TNRC6B: variants seen among roughly 807,000 people sequenced by gnomAD.
TNRC6B encodes trinucleotide repeat-containing gene 6B protein.
In TNRC6B, 52 loss-of-function variants were observed where a neutral mutation model predicts 203.6. That is an observed-to-expected ratio of 0.26 (90% CI 0.20 to 0.32). TNRC6B has a LOEUF of 0.32. TNRC6B is among the 10% of genes least tolerant of loss of function. The probability of loss-of-function intolerance (pLI) is 1.00; values close to 1 mark genes in which losing one functional copy is unlikely to be tolerated. For synonymous variants in TNRC6B, 838 were observed against 845.7 expected (o/e 0.99, Z 0.16); for missense variants, 1,923 against 2,286.2 (o/e 0.84, Z 3.24).
chr22:40,236,731 A>T (rs1452717983), intron 1 of TNRC6B, among the ~76,000 whole-genome samples: 2 of 152,158 alleles, frequency 1.3e-5, no homozygotes, highest in Admixed American at 1.3e-4. Flanking sequence ...TCATCCTTTC[A>T]TTCCCATCAG....
chr22:40,266,037 G>C lies in TNRC6B; in HGVS notation c.1807G>C (p.Val603Leu). 3 of 1,613,734 alleles carry C rather than the reference G, an allele frequency of 1.9e-6. No individual in the cohort carries two copies. The highest frequency in any genetic ancestry group is 2.5e-6 in the Non-Finnish European group (3 of 1,179,912). ...GCCCACACATCCTGATTGTCAGGCT[G>C]TCTTGCAGACTCTTTTGAGCCGAAC... is the stretch of plus-strand genomic sequence containing the variant. ...YRPTHPDCQAVLQTLLSRTDL... is the reference protein window; with the variant it reads ...YRPTHPDCQALLQTLLSRTDL... Residue 603 changes from valine to leucine, a missense_variant, in exon 5 of 23, where the codon GTC (valine) becomes CTC (leucine). Transcript: ENST00000454349.
chr22:40,315,958 T>G lies in TNRC6B; in HGVS notation c.4920T>G (p.Asp1640Glu). 2 of 1,613,934 alleles carry G rather than the reference T, an allele frequency of 1.2e-6. No individual in the cohort carries two copies. The highest frequency in any genetic ancestry group is 1.7e-6 in the Non-Finnish European group (2 of 1,179,846). Residue 1640 changes from aspartate (D) to glutamate (E), a missense_variant, in exon 21 of 23, where the codon GAT (aspartate) becomes GAG (glutamate). Transcript: ENST00000454349. Reference protein sequence around the residue: ...SRLASASTWSDGGSVRPSYWL... With the variant: ...SRLASASTWSEGGSVRPSYWL... ...TGCTCATAGCCTCTACCTGGAGTGA[T>G]GGTGGCTCAGTTCGTCCTAGTTACT...
intron 1 of TNRC6B, among the ~76,000 whole-genome samples, chr22:40,221,370 C>G (rs1478478388): frequency 6.6e-6 from 1 of 152,092 alleles, no homozygotes; most frequent in Non-Finnish European, 1.5e-5. Flanking sequence ...AATGCAGATA[C>G]GTTTAGTTGT....
chr22:40,187,640 GT>G (rs1569013123), intron 1 of TNRC6B, among the ~76,000 whole-genome samples: 1 of 152,102 alleles, frequency 6.6e-6, no homozygotes, highest in African/African-American at 2.4e-5. Context: ...GTGTCCCAGC[GT>G]CCCTGTGTGG....
chr22:40,183,052 G>T (rs2069155312), intron 1 of TNRC6B, among the ~76,000 whole-genome samples: 2 of 112,996 alleles, frequency 1.8e-5, no homozygotes, highest in African/African-American at 9.1e-5. Flanking sequence ...CCTCACTGTT[G>T]TATCCCCAAC....
chr22:40,129,534 T>C (rs756250660), intron 3 of TNRC6B, among the ~76,000 whole-genome samples: 2 of 152,106 alleles, frequency 1.3e-5, no homozygotes, highest in Non-Finnish European at 2.9e-5. Context: ...TTTTGCATCA[T>C]AGAAATCAAA....
In TNRC6B at chr22:40,266,242, G is replaced by A. The variant is rs1356374951; in HGVS notation, c.2012G>A (p.Ser671Asn). ...KNSGGWGDAP[S>N]QSNQMKSGWG... is the part of the protein sequence containing the mutation. ...TCAGGGGGCTGGGGAGATGCACCCA[G>A]CCAAAGCAATCAAATGAAGTCTGGA... Residue 671 changes from serine (S) to asparagine (N), a missense_variant, in exon 5 of 23, where the codon AGC (serine) becomes AAC (asparagine). By Grantham distance (46) the Ser-to-Asn change is conservative. This residue lies in a region of TNRC6B where 599 missense variants were observed against 656.5 expected (regional missense o/e 0.91). Transcript: ENST00000454349. The A allele has an allele frequency of 6.2e-7, 1 of 1,601,192 alleles. No homozygotes were observed. The highest frequency in any genetic ancestry group is 8.5e-7 in the Non-Finnish European group (1 of 1,173,468).
At chr22:40,056,797 C>CAAA (rs35657644) in intron 1 of TNRC6B, among the ~76,000 whole-genome samples, 11 of 91,940 alleles carry the variant, frequency 1.2e-4, no homozygotes, top group Admixed American at 4.0e-4. Flanking sequence ...CACCCTGTCT[C>CAAA]AAAAAAAAAA....
In TNRC6B at chr22:40,280,072, G is replaced by T; in HGVS notation, c.3340G>T (p.Asp1114Tyr). The T allele has an allele frequency of 3.7e-6, 6 of 1,613,908 alleles. No individual in the cohort carries two copies. Among genetic ancestry groups the T allele is most frequent in the Non-Finnish European group, 5.1e-6 (6 of 1,179,814 alleles). The change falls in exon 10 of 23, where the codon GAT becomes TAT. Residue 1114 changes from aspartate to tyrosine, a missense_variant. This residue lies in a region of TNRC6B where 599 missense variants were observed against 656.5 expected (regional missense o/e 0.91). Coordinates refer to ENST00000454349, the MANE Select transcript of TNRC6B (RefSeq NM_001162501.2). ...GGATTTTAATGATATCATGAGGAAG[G>T]ATCGATCTGGGTTCCGTCCACCTAA... ...LGDFNDIMRK[D>Y]RSGFRPPNSK...
intron 1 of TNRC6B, among the ~76,000 whole-genome samples, chr22:40,110,371 T>TA: frequency 6.6e-6 from 1 of 152,360 alleles, no homozygotes. Context: ...CAGTGCCATG[T>TA]ACTTAGTAAG....
intron 4 of TNRC6B, among the ~76,000 whole-genome samples, chr22:40,170,991 G>GTA (rs1308875690): frequency 1.1e-4 from 16 of 144,462 alleles, no homozygotes; most frequent in African/African-American, 2.0e-4. Flanking sequence ...ACATATATGT[G>GTA]TATATATATA....
intron 3 of TNRC6B, among the ~76,000 whole-genome samples, chr22:40,128,995 G>A (rs1568991596): frequency 6.6e-6 from 1 of 152,186 alleles, no homozygotes; most frequent in Non-Finnish European, 1.5e-5. Context: ...GCCATGTCAT[G>A]CAGGGCAGCT....
intron 1 of TNRC6B, among the ~76,000 whole-genome samples, chr22:40,050,583 T>TC (rs1339929105): frequency 6.6e-6 from 1 of 152,188 alleles, no homozygotes; most frequent in Non-Finnish European, 1.5e-5. Flanking sequence ...CTTTATGCTC[T>TC]CGTCCCACTA....
At position 40,264,005 on chromosome 22, in the gene TNRC6B, T is replaced by C. The variant is rs115639262; in HGVS notation, c.458-683T>C. Among the ~76,000 whole-genome samples, 311 of 152,354 alleles carry C rather than the reference T, an allele frequency of 2.0e-3. 1 individual carries two copies. The highest frequency in any genetic ancestry group is 7.2e-3 in the African/African-American group (300 of 41,588). The stretch of plus-strand genomic sequence containing the variant: ...ACAGGGAAAGATTATTTTCAGGTGA[T>C]GAGCTTGAAAACAGCTTCGCAGATG... On this transcript the variant is annotated intron_variant, in intron 4 of 22. Coordinates refer to ENST00000454349, the MANE Select transcript of TNRC6B (RefSeq NM_001162501.2).
At chr22:40,315,581 A>G in intron 20 of TNRC6B, 74 bp downstream of exon 20, 1 of 1,466,386 alleles carries the variant, frequency 6.8e-7, no homozygotes, top group Non-Finnish European at 9.3e-7. Context: ...TGGTGAAGAC[A>G]CAAAGAGGTC....
chr22:40,157,745 C>G (rs1452191005), intron 4 of TNRC6B, among the ~76,000 whole-genome samples: 2 of 152,176 alleles, frequency 1.3e-5, no homozygotes, highest in East Asian at 3.8e-4. Flanking sequence ...CCCCCACACT[C>G]TGGTCAAAGG....
At chr22:40,305,799 T>C (rs1279579821) in intron 15 of TNRC6B, among the ~76,000 whole-genome samples, 5 of 152,180 alleles carry the variant, frequency 3.3e-5, no homozygotes, top group Non-Finnish European at 2.9e-5. Context: ...AAGTGCCCGC[T>C]TTCTCTAAGG....
intron 6 of TNRC6B, among the ~76,000 whole-genome samples, chr22:40,271,266 C>T (rs1463578227): frequency 1.3e-5 from 2 of 152,146 alleles, no homozygotes; most frequent in East Asian, 3.8e-4. Context: ...TTAAAATGTT[C>T]CAACATCTCT....
At chr22:40,207,263 C>G (rs1189564417) in intron 1 of TNRC6B, among the ~76,000 whole-genome samples, 1 of 151,946 alleles carries the variant, frequency 6.6e-6, no homozygotes, top group South Asian at 2.1e-4. Flanking sequence ...GATAACATGG[C>G]TGGGCGCTGT....
Sources: allele counts gnomAD v4.1 joint callset (sites outside exome capture counted in the v4.1 genomes callset), GRCh38; gene constraint gnomAD v4.1.1; regional missense constraint gnomAD v4.1.1; transcripts MANE v1.5; gene names NCBI Gene and HGNC (gene_info 2026-07-23, HGNC 2026-07-21).